Variants in IRGQ observed in about 807,000 individuals in gnomAD.
IRGQ encodes immunity-related GTPase family Q protein.
In IRGQ, 5 loss-of-function variants were observed where a neutral mutation model predicts 10.5. The observed-to-expected ratio is 0.48, with a 90% CI of 0.25 to 1.00. IRGQ has a LOEUF of 1.00. Ranked by LOEUF, IRGQ falls within the 50% of genes least tolerant of loss-of-function variation. The pLI, the probability that IRGQ is intolerant of heterozygous loss-of-function variation, is 0.16. For synonymous variants in IRGQ, 418 were observed against 426.0 expected, an observed-to-expected ratio of 0.98 and a Z score of 0.23; for missense variants, 792 against 877.7, an observed-to-expected ratio of 0.90 and a Z score of 1.23.
rs1207361751 is a variant in IRGQ at position 43,585,922 on chromosome 19, G to A, written c.*6104C>T. ...CTTTCTTTTCCCTCAAACTCCAAAA[G>A]AACAGACACGCAATAGGATTTCTAT... On this transcript the variant is annotated 3_prime_UTR_variant, in exon 3 of 3. Transcript: ENST00000422989. The A allele has an allele frequency of 6.6e-6, 1 of 152,062 alleles. No individual in the cohort carries two copies. Among genetic ancestry groups the A allele is most frequent in the African/African-American group, 2.4e-5 (1 of 41,390 alleles). The allele number at this position is 152,062 out of a possible 1,614,324, so 9.4% of individuals were successfully genotyped here.
rs748398911 is a variant in IRGQ, at chr19:43,593,034, C to T, written c.864G>A (p.Ala288=). 1.0e-5 allele frequency: 16 copies of T among 1,605,546 alleles called. No individual in the cohort carries two copies. In the East Asian group the frequency reaches 3.4e-4, roughly 34 times the overall value. Residue 288 remains alanine, a synonymous_variant, in exon 3 of 3, where the codon GCG becomes GCA. Coordinates refer to ENST00000422989, the MANE Select transcript of IRGQ (RefSeq NM_001007561.3). The surrounding 1 kb of genome is among the most constrained non-coding windows in gnomAD (Gnocchi z 6.4). Reference sequence around the variant, plus strand: ...AGTGCGTTGGGTGAGAGGCGGCGGCCGCGGTGGTGGCAGTGCCCGTGTGGC... The same window carrying T: ...AGTGCGTTGGGTGAGAGGCGGCGGCTGCGGTGGTGGCAGTGCCCGTGTGGC... The part of the protein sequence containing the change: ...PLGHTGTATT[A]AAASHPTHYD...
rs974307971 is a variant in IRGQ, at chr19:43,591,077, T to C, written c.*949A>G. On this transcript the variant is annotated 3_prime_UTR_variant, in exon 3 of 3. Coordinates refer to ENST00000422989, the MANE Select transcript of IRGQ (RefSeq NM_001007561.3). ...CCACTCCCCAGGAGAGATCAAGAAG[T>C]CTCCAGCTTTCTCGCACAAGCCCCC... 6.6e-6 allele frequency: 1 copy of C among 151,996 alleles called. No homozygotes were observed. The highest frequency in any genetic ancestry group is 2.4e-5 in the African/African-American group (1 of 41,408). The allele number at this position is 151,996 out of a possible 1,614,324, so 9.4% of individuals were successfully genotyped here. A position where few individuals can be genotyped will look rare whatever the true frequency, so the allele number is the denominator to read the frequency against.
Position 43,593,177 on chromosome 19 carries a change from T to G in IRGQ, c.721A>C (p.Met241Leu). The stretch of plus-strand genomic sequence containing the variant: ...TCGCCAGGATCCAATCCAAGCAGCA[T>G]GTCCACCACAAGGCCCACGTCAGCC... ...GKADVGLVVD[M>L]LLGLDPGDPG... The change falls in exon 3 of 3, where the codon ATG becomes CTG. Residue 241 changes from methionine to leucine, a missense_variant. Met to Leu is a conservative substitution (Grantham distance 15). Coordinates refer to ENST00000422989, the MANE Select transcript of IRGQ (RefSeq NM_001007561.3). The surrounding 1 kb of genome is among the most constrained non-coding windows in gnomAD (Gnocchi z 6.4). 1 of 1,563,876 alleles carries G rather than the reference T, an allele frequency of 6.4e-7. No homozygotes were observed. Among genetic ancestry groups the G allele is most frequent in the Non-Finnish European group, 8.7e-7 (1 of 1,152,146 alleles).
intron 1 of IRGQ, 152 bp from the exon 2 acceptor site, chr19:43,595,492 C>T: frequency 1.8e-6 from 1 of 556,232 alleles, no homozygotes; most frequent in African/African-American, 2.0e-5. Context: ...ATCCAGAGCC[C>T]AGACCCTATT....
At position 43,585,582 on chromosome 19, in the gene IRGQ, T is replaced by C. The variant is rs1451257189; in HGVS notation, c.*6444A>G. Reference sequence around the variant, plus strand: ...GCCTCTGCTTGTATCATGTTTGCTATTGTTCTAGTGGCTGAAGCAAACCAC... The same window carrying C: ...GCCTCTGCTTGTATCATGTTTGCTACTGTTCTAGTGGCTGAAGCAAACCAC... On this transcript the variant is annotated 3_prime_UTR_variant, in exon 3 of 3. Coordinates refer to ENST00000422989, the MANE Select transcript of IRGQ (RefSeq NM_001007561.3). 1 of 152,114 alleles carries C rather than the reference T, an allele frequency of 6.6e-6. No homozygotes were observed. The highest frequency in any genetic ancestry group is 1.9e-4 in the East Asian group (1 of 5,194). 9.4% of individuals were successfully genotyped at this position (152,114 alleles called of 1,614,324 possible). A position where few individuals can be genotyped will look rare whatever the true frequency, so the allele number is the denominator to read the frequency against.
In IRGQ at chr19:43,594,712, C is replaced by A. The variant is rs562902046; in HGVS notation, c.530+97G>T. The stretch of plus-strand genomic sequence containing the variant: ...AATAATAATAGAGCTAAGCCTTGCC[C>A]CAAACTCACTGGGGGAGGGATCTCA... On this transcript the variant is annotated intron_variant, in intron 2 of 2. Transcript: ENST00000422989. The A allele has an allele frequency of 3.7e-4, 389 of 1,045,796 alleles. 2 individuals are homozygous for A. The highest frequency in any genetic ancestry group is 6.7e-4 in the South Asian group (43 of 64,270). 64.8% of individuals were successfully genotyped at this position (1,045,796 alleles called of 1,614,324 possible).
intron 1 of IRGQ, 127 bp from the exon 2 acceptor site, chr19:43,595,467 T>C: frequency 1.2e-6 from 1 of 805,514 alleles, no homozygotes; most frequent in Admixed American, 3.4e-5. Flanking sequence ...AGTGTCACTC[T>C]CCAGGACCTA....
In IRGQ at chr19:43,593,401, G is replaced by T; in HGVS notation, c.531-34C>A. The T allele has an allele frequency of 6.7e-7, 1 of 1,484,494 alleles. No individual in the cohort carries two copies. The highest frequency in any genetic ancestry group is 9.0e-7 in the Non-Finnish European group (1 of 1,115,926). The allele number at this position is 1,484,494 out of a possible 1,614,324, so 92.0% of individuals were successfully genotyped here. ...ACAAGAAGGGACAGGGTCAAAGGTA[G>T]AAGAGGGGCTGGGTGACATGGACTG... is the stretch of plus-strand genomic sequence containing the variant. On this transcript the variant is annotated intron_variant, in intron 2 of 2. Coordinates refer to ENST00000422989, the MANE Select transcript of IRGQ (RefSeq NM_001007561.3). This position sits in a 1 kb window ranked among gnomAD's most constrained non-coding sequence, Gnocchi z 6.4.
rs980719418 is a variant in IRGQ, at chr19:43,595,285, C to T, written c.54G>A (p.Leu18=). The T allele has an allele frequency of 4.4e-6, 7 of 1,596,324 alleles. No individual in the cohort carries two copies. The highest frequency in any genetic ancestry group is 6.0e-6 in the Non-Finnish European group (7 of 1,171,784). ...GCGCTGCGATCAGCGCGGACTTCCCCAAGCCCGGAGGCCCCAGGAACAAGG... is the reference window on the plus strand; with the variant it reads ...GCGCTGCGATCAGCGCGGACTTCCCTAAGCCCGGAGGCCCCAGGAACAAGG... ...VTALFLGPPG[L]GKSALIAALC... Residue 18 remains leucine, a synonymous_variant, in exon 2 of 3, where the codon TTG becomes TTA. Coordinates refer to ENST00000422989, the MANE Select transcript of IRGQ (RefSeq NM_001007561.3).
In IRGQ at chr19:43,591,855, G is replaced by GAAAA. The variant is rs10682090; in HGVS notation, c.*167_*170dup. ...AAGAGACTTCGTCTCACAAAAAAAAGAAAAAAAAAAAAAAAAATCAGGATT... is the reference window on the plus strand; with the variant it reads ...AAGAGACTTCGTCTCACAAAAAAAAGAAAAAAAAAAAAAAAAAAAAATCAGGATT... On this transcript the variant is annotated 3_prime_UTR_variant, in exon 3 of 3. Coordinates refer to ENST00000422989, the MANE Select transcript of IRGQ (RefSeq NM_001007561.3). The GAAAA allele has an allele frequency of 4.9e-3, 2,331 of 471,828 alleles. 12 individuals carry two copies. The highest frequency in any genetic ancestry group is 0.024 in the African/African-American group (1,065 of 43,748). The allele number at this position is 471,828 out of a possible 1,614,324, so 29.2% of individuals were successfully genotyped here.
Position 43,592,083 on chromosome 19 carries a change from G to C in IRGQ, c.1815C>G (p.Leu605=), listed in dbSNP as rs145816982. 8.7e-6 allele frequency: 14 copies of C among 1,612,356 alleles called. No individual in the cohort carries two copies. Among genetic ancestry groups the C allele is most frequent in the African/African-American group, 1.3e-5 (1 of 74,880 alleles). Residue 605 remains leucine, a synonymous_variant, in exon 3 of 3, where the codon CTC becomes CTG. Transcript: ENST00000422989. The part of the protein sequence containing the change: ...RAAHGVLLQA[L]DEMRADAEAV... ...CCTCAGCATCAGCCCGCATCTCATC[G>C]AGAGCCTGCAGCAGGACGCCGTGAG...
chr19:43,594,425 T>C (rs1287953054), intron 2 of IRGQ, among the ~76,000 whole-genome samples: 1 of 152,084 alleles, frequency 6.6e-6, no homozygotes, highest in Non-Finnish European at 1.5e-5. Flanking sequence ...GCCTGTAGTA[T>C]TAGCTACTCT....
At position 43,595,225 on chromosome 19, in the gene IRGQ, G is replaced by T. The variant is rs376357590; in HGVS notation, c.114C>A (p.Pro38=). The change falls in exon 2 of 3, where the codon CCC becomes CCA. Residue 38 remains proline, a synonymous_variant. Coordinates refer to ENST00000422989, the MANE Select transcript of IRGQ (RefSeq NM_001007561.3). The part of the protein sequence containing the change: ...CDKDVETLEA[P]EGRPDSGVPS... Reference sequence around the variant, plus strand: ...GAACCCCGGAGTCCGGCCGTCCCTCGGGGGCCTCGAGCGTCTCCACATCCT... The same window carrying T: ...GAACCCCGGAGTCCGGCCGTCCCTCTGGGGCCTCGAGCGTCTCCACATCCT... The T allele has an allele frequency of 6.2e-7, 1 of 1,612,388 alleles. No homozygotes were observed. The highest frequency in any genetic ancestry group is 8.5e-7 in the Non-Finnish European group (1 of 1,179,762).
At position 43,592,526 on chromosome 19, in the gene IRGQ, G is replaced by C; in HGVS notation, c.1372C>G (p.Leu458Val). 6.3e-7 allele frequency: 1 copy of C among 1,596,544 alleles called. No individual in the cohort carries two copies. Among genetic ancestry groups the C allele is most frequent in the Non-Finnish European group, 8.5e-7 (1 of 1,178,628 alleles). ...GATGCTGGTGGCAACGCCAGCAGCA[G>C]TGCCCCTGCCTGGGCTGGGGGGAGC... is the stretch of plus-strand genomic sequence containing the variant. ...RALPPAQAGA[L>V]LLALPPASPS... The change falls in exon 3 of 3, where the codon CTG becomes GTG. Residue 458 changes from leucine (L) to valine (V), a missense_variant. Coordinates refer to ENST00000422989, the MANE Select transcript of IRGQ (RefSeq NM_001007561.3).
Position 43,593,690 on chromosome 19 carries a change from C to A in IRGQ, c.531-323G>T, listed in dbSNP as rs538447701. On this transcript the variant is annotated intron_variant, in intron 2 of 2. Transcript: ENST00000422989. The surrounding 1 kb of genome is among the most constrained non-coding windows in gnomAD (Gnocchi z 6.4). ...TTGGGGGCGGGGTTTTTCCAAGGGT[C>A]GGCTGTGCTGGGTGGGACAAAGCTC... Among the ~76,000 whole-genome samples, 1 of 152,150 alleles carries A rather than the reference C, an allele frequency of 6.6e-6. No homozygotes were observed. Among genetic ancestry groups the A allele is most frequent in the East Asian group, 1.9e-4 (1 of 5,180 alleles).
chr19:43,595,047 C>A lies in IRGQ; in HGVS notation c.292G>T (p.Glu98Ter). 6.2e-7 allele frequency: 1 copy of A among 1,613,272 alleles called. No individual in the cohort carries two copies. The highest frequency in any genetic ancestry group is 8.5e-7 in the Non-Finnish European group (1 of 1,179,768). Reference protein sequence around the residue: ...NGEPLAPALGEAALAALARGT... With the variant: ...NGEPLAPALG Reference sequence around the variant, plus strand: ...CGGGCCAGGGCGGCCAGCGCTGCCTCTCCCAGGGCTGGAGCCAACGGTTCC... The same window carrying A: ...CGGGCCAGGGCGGCCAGCGCTGCCTATCCCAGGGCTGGAGCCAACGGTTCC... Residue 98 changes from glutamate (E) to a stop codon, truncating the protein, a stop_gained, in exon 2 of 3, where the codon GAG (glutamate) becomes TAG (stop). Transcript: ENST00000422989. LOFTEE classifies it high-confidence loss of function.
Position 43,592,135 on chromosome 19 carries a change from G to A in IRGQ, c.1763C>T (p.Ala588Val), listed in dbSNP as rs1486862255. 1 of 1,611,046 alleles carries A rather than the reference G, an allele frequency of 6.2e-7. No homozygotes were observed. Reference protein sequence around the residue: ...SFLWPAGGAAATGGLGYRAAH... With the variant: ...SFLWPAGGAAVTGGLGYRAAH... Reference sequence around the variant, plus strand: ...CGCTCGGTAGCCCAGGCCACCTGTCGCCGCTGCACCACCCGCAGGCCACAG... The same window carrying A: ...CGCTCGGTAGCCCAGGCCACCTGTCACCGCTGCACCACCCGCAGGCCACAG... The change falls in exon 3 of 3, where the codon GCG (alanine) becomes GTG (valine). Residue 588 changes from alanine (A) to valine (V), a missense_variant. Physicochemically the swap from Ala to Val is moderately conservative, Grantham distance 64 (BLOSUM62 0). Transcript: ENST00000422989.
chr19:43,595,372 C>A, intron 1 of IRGQ, 32 bp from the exon 2 acceptor site: 2 of 1,508,006 alleles, frequency 1.3e-6, no homozygotes, highest in South Asian at 2.6e-5. Flanking sequence ...AGACCTGGGT[C>A]AGGGAGCACC....
chr19:43,592,532 C>G lies in IRGQ; in HGVS notation c.1366G>C (p.Gly456Arg), dbSNP rs1221114253. 1.9e-6 allele frequency: 3 copies of G among 1,596,496 alleles called. No individual in the cohort carries two copies. The highest frequency in any genetic ancestry group is 2.5e-6 in the Non-Finnish European group (3 of 1,178,582). ...GGTGGCAACGCCAGCAGCAGTGCCC[C>G]TGCCTGGGCTGGGGGGAGCGCTCGC... ...LRRALPPAQA[G>R]ALLLALPPAS... Residue 456 changes from glycine to arginine, a missense_variant, in exon 3 of 3, where the codon GGG (glycine) becomes CGG (arginine). Coordinates refer to ENST00000422989, the MANE Select transcript of IRGQ (RefSeq NM_001007561.3).
Sources: allele counts gnomAD v4.1 joint callset (sites outside exome capture counted in the v4.1 genomes callset), GRCh38; gene constraint gnomAD v4.1.1; non-coding constraint Gnocchi (gnomAD v3.1); transcripts MANE v1.5; gene names NCBI Gene and HGNC (gene_info 2026-07-23, HGNC 2026-07-21).